ARHGEF10L: variants seen among roughly 807,000 people sequenced by gnomAD.
ARHGEF10L encodes the protein rho guanine nucleotide exchange factor 10-like protein.
ARHGEF10L carries 69 observed loss-of-function variants against 141.2 expected under a neutral mutation model. That is an observed-to-expected ratio of 0.49 (90% CI 0.40 to 0.60). The LOEUF is 0.60. ARHGEF10L is among the 20% of genes least tolerant of loss of function. The pLI is 0.00. For missense variants in ARHGEF10L, 1,482 were observed against 1,734.3 expected (o/e 0.85, Z 2.58); for synonymous variants, 711 against 718.5 (o/e 0.99, Z 0.17).
Position 17,654,758 on chromosome 1 carries a change from C to T in ARHGEF10L, c.2481+36C>T. ...CCCCTGCCCAGCTGGGCATTCTGGC[C>T]TCAGGACAGGAGTAGGGAGAGCGGC... On this transcript the variant is annotated intron_variant, in intron 23 of 28. Transcript: ENST00000361221. This position sits in a 1 kb window ranked among gnomAD's most constrained non-coding sequence, Gnocchi z 4.3. The T allele has an allele frequency of 6.3e-7, 1 of 1,589,748 alleles. No homozygotes were observed. Among genetic ancestry groups the T allele is most frequent in the Non-Finnish European group, 8.6e-7 (1 of 1,159,644 alleles).
chr1:17,631,017 C>T (rs1333483266), intron 15 of ARHGEF10L, among the ~76,000 whole-genome samples: 2 of 144,104 alleles, frequency 1.4e-5, no homozygotes, highest in South Asian at 2.2e-4. Flanking sequence ...TGGGGATGCC[C>T]GGGGGTGATC....
At position 17,637,991 on chromosome 1, in the gene ARHGEF10L, C is replaced by G. The variant is rs370990868; in HGVS notation, c.2031C>G (p.His677Gln). 2 of 1,587,610 alleles carry G rather than the reference C, an allele frequency of 1.3e-6. No individual in the cohort carries two copies. Among genetic ancestry groups the G allele is most frequent in the Non-Finnish European group, 1.7e-6 (2 of 1,166,560 alleles). ...TCACGCTTCTCATCAGCACGCTGCA[C>G]GGCACCTACCAGGTACGTGGCCTGG... ...EQITLLISTL[H>Q]GTYQNLNMTV... The change falls in exon 19 of 29, where the codon CAC becomes CAG. Residue 677 changes from histidine (H) to glutamine (Q), a missense_variant. His to Gln is a conservative substitution (Grantham distance 24, BLOSUM62 0). Coordinates refer to ENST00000361221, the MANE Select transcript of ARHGEF10L (RefSeq NM_018125.4).
chr1:17,561,897 G>A (rs1036170519), intron 1 of ARHGEF10L, among the ~76,000 whole-genome samples: 32 of 152,266 alleles, frequency 2.1e-4, no homozygotes, highest in African/African-American at 7.5e-4. Flanking sequence ...CTGCTCAATC[G>A]GGAAGGTTCC....
At chr1:17,632,600 C>T in intron 16 of ARHGEF10L, 134 bp downstream of exon 16, 1 of 1,191,946 alleles carries the variant, frequency 8.4e-7, no homozygotes, top group Non-Finnish European at 1.2e-6. Flanking sequence ...TATTCCTCTC[C>T]CATCCCTCTT....
At position 17,672,672 on chromosome 1, in the gene ARHGEF10L, T is replaced by A. The variant is rs766987127; in HGVS notation, c.3009+8077T>A. 8.5e-5 allele frequency among the ~76,000 whole-genome samples: 13 copies of A among 152,192 alleles called. 1 individual carries two copies. Among genetic ancestry groups the A allele is most frequent in the Non-Finnish European group, 1.3e-4 (9 of 68,048 alleles). On this transcript the variant is annotated intron_variant, in intron 26 of 28. Transcript: ENST00000361221. Reference sequence around the variant, plus strand: ...TGAGAAATGGATTTTCTAAAGATTGTGGAGACTTCCCAGGAGGCTCCGACA... The same window carrying A: ...TGAGAAATGGATTTTCTAAAGATTGAGGAGACTTCCCAGGAGGCTCCGACA...
chr1:17,524,002 G>A, the ARHGEF10L span, among the ~76,000 whole-genome samples: 1 of 152,160 alleles, frequency 6.6e-6, no homozygotes, highest in African/African-American at 2.4e-5. Flanking sequence ...TCCGGATATG[G>A]GTGGCTCATG....
intron 8 of ARHGEF10L, 85 bp from the exon 9 acceptor site, chr1:17,616,009 G>A: frequency 8.7e-7 from 1 of 1,149,992 alleles, no homozygotes; most frequent in Non-Finnish European, 1.3e-6. Flanking sequence ...ATCTCTGCAG[G>A]CCGAGGCCTG....
chr1:17,618,219 C>A (rs2059911609), intron 9 of ARHGEF10L: 1 of 1,110,098 alleles, frequency 9.0e-7, no homozygotes, highest in Non-Finnish European at 1.2e-6. Flanking sequence ...CCTGGGTCAC[C>A]CTCCCAACCC....
chr1:17,679,044 G>C (rs2063909570), intron 26 of ARHGEF10L, among the ~76,000 whole-genome samples: 1 of 152,184 alleles, frequency 6.6e-6, no homozygotes, highest in South Asian at 2.1e-4. Context: ...TTTGGGGTCT[G>C]GCCACCAGTC....
At chr1:17,626,467 A>G (rs1160818514) in intron 14 of ARHGEF10L, among the ~76,000 whole-genome samples, 1 of 151,994 alleles carries the variant, frequency 6.6e-6, no homozygotes, top group Non-Finnish European at 1.5e-5. Flanking sequence ...CACTGTCCCA[A>G]CCACTGAGGG....
chr1:17,520,717 G>A, the ARHGEF10L span, among the ~76,000 whole-genome samples: 1 of 152,332 alleles, frequency 6.6e-6, no homozygotes, highest in South Asian at 2.1e-4. Context: ...CGGCAACCTG[G>A]AGTGAGAACG....
intron 26 of ARHGEF10L, among the ~76,000 whole-genome samples, chr1:17,675,690 A>G (rs1260190305): frequency 3.8e-5 from 4 of 105,902 alleles, no homozygotes; most frequent in East Asian, 3.2e-4. Context: ...CATGTGGTAC[A>G]GGTGTGTTCA....
chr1:17,559,783 G>A (rs1174499424), intron 1 of ARHGEF10L, among the ~76,000 whole-genome samples: 3 of 152,166 alleles, frequency 2.0e-5, no homozygotes, highest in African/African-American at 7.2e-5. Flanking sequence ...GGGGCAGAGG[G>A]TCAGGCTGGT....
chr1:17,655,847 A>T, intron 23 of ARHGEF10L, 32 bp from the exon 24 acceptor site: 1 of 1,543,542 alleles, frequency 6.5e-7, no homozygotes, highest in Non-Finnish European at 8.8e-7. Context: ...TGTGGTTCCC[A>T]CCTGATGGCC....
chr1:17,575,917 C>G (rs1286620199), intron 1 of ARHGEF10L, among the ~76,000 whole-genome samples: 4 of 152,210 alleles, frequency 2.6e-5, no homozygotes, highest in Admixed American at 1.3e-4. Context: ...CAGAGCTTGA[C>G]AAGCGTGCTT....
chr1:17,625,341 G>A lies in ARHGEF10L; in HGVS notation c.1318-615G>A, dbSNP rs2060322622. 1.3e-5 allele frequency among the ~76,000 whole-genome samples: 2 copies of A among 152,192 alleles called. No homozygotes were observed. The highest frequency in any genetic ancestry group is 4.1e-4 in the South Asian group (2 of 4,836). On this transcript the variant is annotated intron_variant, in intron 13 of 28. Coordinates refer to ENST00000361221, the MANE Select transcript of ARHGEF10L (RefSeq NM_018125.4). The surrounding 1 kb of genome is among the most constrained non-coding windows in gnomAD (Gnocchi z 4.5). ...CTGTTGGGGAGTCCCAGGAGAGAAG[G>A]CCTGAGTGTGCACACTAAGAGGCGG...
Position 17,625,950 on chromosome 1 carries a change from C to T in ARHGEF10L, c.1318-6C>T. 1 of 1,613,574 alleles carries T rather than the reference C, an allele frequency of 6.2e-7. No homozygotes were observed. ...TCAGCGAATGACGGAACCTTGTCTC[C>T]ACCAGCGACGGCAGGTGTGCAGCCC... On this transcript the variant is annotated splice_region_variant and splice_polypyrimidine_tract_variant and intron_variant, in intron 13 of 28. Coordinates refer to ENST00000361221, the MANE Select transcript of ARHGEF10L (RefSeq NM_018125.4). This position sits in a 1 kb window ranked among gnomAD's most constrained non-coding sequence, Gnocchi z 4.5.
chr1:17,650,833 A>G (rs1482245664), intron 22 of ARHGEF10L, among the ~76,000 whole-genome samples: 1 of 151,982 alleles, frequency 6.6e-6, no homozygotes, highest in East Asian at 1.9e-4. Flanking sequence ...GGCGGAGGCC[A>G]GGGCTGTGAC....
At chr1:17,661,326 C>T (rs2062611343) in intron 25 of ARHGEF10L, among the ~76,000 whole-genome samples, 1 of 152,264 alleles carries the variant, frequency 6.6e-6, no homozygotes, top group African/African-American at 2.4e-5. Flanking sequence ...GATCCGGCCG[C>T]CCCGGCCTCC....
Sources: gnomAD v4.1 joint callset for allele counts (sites outside exome capture counted in the v4.1 genomes callset) on GRCh38, gnomAD v4.1.1 for gene constraint, Gnocchi (gnomAD v3.1) non-coding constraint, MANE v1.5 for transcripts, NCBI Gene and HGNC (gene_info 2026-07-23, HGNC 2026-07-21) for gene names.